Variants in GDAP1L1 observed in about 807,000 individuals in gnomAD.
The protein encoded by GDAP1L1 is ganglioside induced differentiation associated protein 1 like 1.
A neutral mutation model predicts 37.1 loss-of-function variants in GDAP1L1; 21 were observed. That is an observed-to-expected ratio of 0.57 (90% CI 0.40 to 0.81). GDAP1L1 has a LOEUF of 0.81. Ranked by LOEUF, GDAP1L1 falls within the 40% of genes least tolerant of loss-of-function variation. The pLI is 0.00. For missense variants in GDAP1L1, 362 were observed against 491.6 expected (o/e 0.74, Z 2.49); for synonymous variants, 193 against 209.1 (o/e 0.92, Z 0.67).
intron 1 of GDAP1L1, among the ~76,000 whole-genome samples, chr20:44,256,098 TG>T (rs1016569893): frequency 1.3e-5 from 2 of 152,222 alleles, no homozygotes; most frequent in Admixed American, 1.3e-4. Context: ...AGCACTGGTT[TG>T]GGAGTCAAGA....
At chr20:44,275,091 C>T (rs1002389749) in intron 5 of GDAP1L1, among the ~76,000 whole-genome samples, 8 of 152,056 alleles carry the variant, frequency 5.3e-5, no homozygotes, top group African/African-American at 1.7e-4. Context: ...AGGAGGGTCT[C>T]GCCATGTTGC....
In GDAP1L1 at chr20:44,279,537, A is replaced by G. The variant is rs771273435; in HGVS notation, c.*237A>G. 28 of 672,710 alleles carry G rather than the reference A, an allele frequency of 4.2e-5. 1 individual carries two copies. The highest frequency in any genetic ancestry group is 1.4e-4 in the South Asian group (9 of 66,370). The allele number at this position is 672,710 out of a possible 1,614,324, so 41.7% of individuals were successfully genotyped here. A position where few individuals can be genotyped will look rare whatever the true frequency, so the allele number is the denominator to read the frequency against. ...AGAGAGGAAGCGAGAGAGAGAGAGA[A>G]AAAACAAAAAACAGAAAACACGAAT... is the stretch of plus-strand genomic sequence containing the variant. On this transcript the variant is annotated 3_prime_UTR_variant, in exon 6 of 6. Transcript: ENST00000342560.
Position 44,263,090 on chromosome 20 carries a change from T to C in GDAP1L1, c.548-140T>C, listed in dbSNP as rs892394437. 1.0e-5 allele frequency: 7 copies of C among 702,156 alleles called. No homozygotes were observed. The African/African-American group carries it at 1.2e-4, about 12-fold the overall frequency. 43.5% of individuals were successfully genotyped at this position (702,156 alleles called of 1,614,324 possible). A position where few individuals can be genotyped will look rare whatever the true frequency, so the allele number is the denominator to read the frequency against. On this transcript the variant is annotated intron_variant, in intron 3 of 5. Coordinates refer to ENST00000342560, the MANE Select transcript of GDAP1L1 (RefSeq NM_024034.6). ...TCCATCACTACGGCACAGCCTGCAG[T>C]GCTCCCTAAGTGTTGGCTGTCGACA...
chr20:44,249,417 C>T (rs1394638021), intron 1 of GDAP1L1, among the ~76,000 whole-genome samples: 4 of 152,158 alleles, frequency 2.6e-5, no homozygotes, highest in Non-Finnish European at 5.9e-5. Context: ...ACAAATTCTG[C>T]ACATGCTTGC....
intron 5 of GDAP1L1, among the ~76,000 whole-genome samples, chr20:44,270,285 C>T (rs1283311854): frequency 6.7e-6 from 1 of 149,462 alleles, no homozygotes. Flanking sequence ...ATTCTCCTGC[C>T]TCAGCCTCCC....
At chr20:44,267,823 C>T (rs1051857243) in intron 5 of GDAP1L1, among the ~76,000 whole-genome samples, 3 of 152,168 alleles carry the variant, frequency 2.0e-5, no homozygotes, top group Non-Finnish European at 4.4e-5. Flanking sequence ...TAGCCTCAGA[C>T]ATGCATTCCT....
At chr20:44,257,450 A>G (rs995518716) in intron 2 of GDAP1L1, 105 bp downstream of exon 2, 6 of 1,180,950 alleles carry the variant, frequency 5.1e-6, no homozygotes, top group Non-Finnish European at 7.1e-6. Context: ...TGGGAAATTC[A>G]CTGGAGCCAT....
intron 5 of GDAP1L1, among the ~76,000 whole-genome samples, chr20:44,276,524 T>G (rs2062584271): frequency 6.6e-6 from 1 of 151,942 alleles, no homozygotes; most frequent in African/African-American, 2.4e-5. Flanking sequence ...GAAGCCAGTC[T>G]TGGGAGCAGA....
At chr20:44,262,086 A>G (rs2073683412) in intron 3 of GDAP1L1, among the ~76,000 whole-genome samples, 1 of 152,102 alleles carries the variant, frequency 6.6e-6, no homozygotes, top group African/African-American at 2.4e-5. Flanking sequence ...AGGCAAGTTG[A>G]GGAGCTAGGA....
intron 1 of GDAP1L1, among the ~76,000 whole-genome samples, chr20:44,249,120 C>T (rs1235130245): frequency 6.6e-6 from 1 of 151,764 alleles, no homozygotes; most frequent in Non-Finnish European, 1.5e-5. Flanking sequence ...ACTGCAACTT[C>T]CGCCTCCTGG....
At chr20:44,274,883 CTTTG>C (rs552024449) in intron 5 of GDAP1L1, among the ~76,000 whole-genome samples, 44 of 152,114 alleles carry the variant, frequency 2.9e-4, no homozygotes, top group South Asian at 6.2e-4. Context: ...CAGGTGTCTT[CTTTG>C]TTTGTTTGTT....
chr20:44,259,928 T>C (rs1220404794), intron 3 of GDAP1L1, among the ~76,000 whole-genome samples: 1 of 152,106 alleles, frequency 6.6e-6, no homozygotes, highest in Non-Finnish European at 1.5e-5. Context: ...TCAAGTTCCA[T>C]GGAAGGAAAG....
chr20:44,247,200 C>G, upstream of GDAP1L1: 1 of 880,118 alleles, frequency 1.1e-6, no homozygotes, highest in South Asian at 1.6e-5. Flanking sequence ...CCCCAACTGC[C>G]CGGTGAGTAA....
intron 1 of GDAP1L1, among the ~76,000 whole-genome samples, chr20:44,253,462 A>C (rs2073482412): frequency 6.6e-6 from 1 of 152,244 alleles, no homozygotes; most frequent in Admixed American, 6.5e-5. Flanking sequence ...GTTTTATACA[A>C]AGTCACACCG....
At chr20:44,266,441 A>G (rs947204543) in intron 5 of GDAP1L1, among the ~76,000 whole-genome samples, 1 of 151,734 alleles carries the variant, frequency 6.6e-6, no homozygotes, top group African/African-American at 2.4e-5. Flanking sequence ...TTTGGGGGAC[A>G]GAGTCCCAGC....
intron 5 of GDAP1L1, among the ~76,000 whole-genome samples, chr20:44,268,913 G>T (rs1262398028): frequency 6.6e-6 from 1 of 152,194 alleles, no homozygotes; most frequent in African/African-American, 2.4e-5. Context: ...GGAGGGTATT[G>T]TATCAGTTAG....
At chr20:44,253,167 C>T (rs1439463871) in intron 1 of GDAP1L1, among the ~76,000 whole-genome samples, 1 of 152,204 alleles carries the variant, frequency 6.6e-6, no homozygotes, top group African/African-American at 2.4e-5. Flanking sequence ...GACGCACTCA[C>T]CGTCTTTTGA....
upstream of GDAP1L1, chr20:44,247,149 G>A (rs1218148446): frequency 9.5e-6 from 6 of 632,464 alleles, no homozygotes; most frequent in African/African-American, 1.1e-4. Flanking sequence ...CGGGCCAGGG[G>A]GAGGAGGAGA....
intron 4 of GDAP1L1, 73 bp from the exon 5 acceptor site, chr20:44,264,372 G>T (rs2146025681): frequency 2.9e-6 from 4 of 1,380,554 alleles, no homozygotes; most frequent in East Asian, 5.2e-5. Context: ...GTTCAGCAAA[G>T]CTCCTTCCAT....
Sources: gnomAD v4.1 joint callset for allele counts (sites outside exome capture counted in the v4.1 genomes callset) on GRCh38, gnomAD v4.1.1 for gene constraint, MANE v1.5 for transcripts, NCBI Gene and HGNC (gene_info 2026-07-23, HGNC 2026-07-21) for gene names.